The following FOXP1 variants were observed in gnomAD, a reference collection of about 807,000 sequenced individuals.
FOXP1 encodes the protein forkhead box protein P1.
In FOXP1, 15 loss-of-function variants were observed where a neutral mutation model predicts 98.2. That is an observed-to-expected ratio of 0.15 (90% CI 0.10 to 0.24). The LOEUF (loss-of-function observed/expected upper bound fraction) is 0.24, where lower values mean the gene tolerates loss of function less well. Among genes scored for constraint, FOXP1 ranks in the 10% least tolerant of loss-of-function variants. The pLI, the probability that FOXP1 is intolerant of heterozygous loss-of-function variation, is 1.00. For missense variants in FOXP1, 633 were observed against 848.5 expected (o/e 0.75, Z 3.15); for synonymous variants, 371 against 314.5 (o/e 1.18, Z -1.90).
chr3:71,271,739 G>C (rs1272190726), intron 5 of FOXP1, among the ~76,000 whole-genome samples: 2 of 152,242 alleles, frequency 1.3e-5, no homozygotes, highest in South Asian at 2.1e-4. Flanking sequence ...GAGAGACAGA[G>C]GCTGCTCACG....
In FOXP1 at chr3:71,340,154, C is replaced by G. The variant is rs1312785618; in HGVS notation, c.-73+18996G>C. On this transcript the variant is annotated intron_variant, in intron 4 of 20. Transcript: ENST00000649528. ...AACCCCCTGCCCCCCTATTTTCCCA[C>G]TGACATATGTCTAGAACAAATTTAC... is the stretch of plus-strand genomic sequence containing the variant. Among the ~76,000 whole-genome samples, 6 of 152,160 alleles carry G rather than the reference C, an allele frequency of 3.9e-5. No homozygotes were observed. In the East Asian group the frequency reaches 1.2e-3, roughly 29 times the overall value.
At chr3:71,416,036 A>G (rs1239429951) in intron 3 of FOXP1, among the ~76,000 whole-genome samples, 1 of 152,228 alleles carries the variant, frequency 6.6e-6, no homozygotes, top group Non-Finnish European at 1.5e-5. Context: ...AGAAATATTT[A>G]CAAATTACCT....
intron 6 of FOXP1, among the ~76,000 whole-genome samples, chr3:71,122,436 T>A (rs1315263390): frequency 6.6e-6 from 1 of 152,152 alleles, no homozygotes; most frequent in Non-Finnish European, 1.5e-5. Context: ...TGGGGGGGAA[T>A]CCTAATATTC....
chr3:70,981,191 C>CAAAAAAAAAAA (rs71104406), intron 14 of FOXP1, among the ~76,000 whole-genome samples: 1 of 59,972 alleles, frequency 1.7e-5, no homozygotes, highest in Non-Finnish European at 3.5e-5. Flanking sequence ...CTCTTTCTAC[C>CAAAAAAAAAAA]AAAAAAAAAA....
intron 4 of FOXP1, among the ~76,000 whole-genome samples, chr3:71,354,234 C>A (rs528049068): frequency 1.3e-5 from 2 of 151,206 alleles, no homozygotes; most frequent in African/African-American, 4.9e-5. Context: ...GCTGAGATTG[C>A]GCCACTGCGC....
At chr3:71,014,912 G>T (rs1340242326) in intron 12 of FOXP1, among the ~76,000 whole-genome samples, 1 of 150,876 alleles carries the variant, frequency 6.6e-6, no homozygotes, top group Non-Finnish European at 1.5e-5. Context: ...AACACCGCAT[G>T]TTCTCACACA....
chr3:71,555,718 C>T (rs771168480), intron 2 of FOXP1, among the ~76,000 whole-genome samples: 12 of 151,862 alleles, frequency 7.9e-5, no homozygotes, highest in East Asian at 1.9e-4. Flanking sequence ...TCAGTGAAAC[C>T]GAAAAAAGTG....
rs916554660 is a variant in FOXP1 at position 71,392,731 on chromosome 3, T to G, written c.-167-33487A>C. On this transcript the variant is annotated intron_variant, in intron 3 of 20. Transcript: ENST00000649528. ...ACATATAATTGCAATGCACTTGGCC[T>G]AGGTCGCAATCATTCTTTTTTTAAC... is the stretch of plus-strand genomic sequence containing the variant. Among the ~76,000 whole-genome samples the G allele has an allele frequency of 3.9e-5, 6 of 152,364 alleles. 1 individual carries two copies. Among genetic ancestry groups the G allele is most frequent in the Middle Eastern group, 6.8e-3 (2 of 294 alleles).
At chr3:71,261,985 C>T (rs150243083) in intron 5 of FOXP1, among the ~76,000 whole-genome samples, 24 of 151,844 alleles carry the variant, frequency 1.6e-4, no homozygotes, top group Middle Eastern at 3.4e-3. Context: ...TGTCAAATCC[C>T]GGCCGAGTGC....
chr3:71,178,288 C>A (rs1451369225), intron 6 of FOXP1, among the ~76,000 whole-genome samples: 1 of 152,120 alleles, frequency 6.6e-6, no homozygotes. Flanking sequence ...GCACGTACCA[C>A]CACACCTGGC....
At chr3:71,221,728 C>T (rs536211037) in intron 5 of FOXP1, among the ~76,000 whole-genome samples, 4 of 152,210 alleles carry the variant, frequency 2.6e-5, no homozygotes, top group Non-Finnish European at 5.9e-5. Flanking sequence ...ATCCTGCAAC[C>T]TCTTTCCTCC....
chr3:71,390,901 C>A (rs1287076857), intron 3 of FOXP1, among the ~76,000 whole-genome samples: 1 of 152,222 alleles, frequency 6.6e-6, no homozygotes, highest in East Asian at 1.9e-4. Context: ...CCTCCCCAGG[C>A]CTGGCCTGTT....
At chr3:71,399,215 T>C (rs1023959180) in intron 3 of FOXP1, among the ~76,000 whole-genome samples, 3 of 152,062 alleles carry the variant, frequency 2.0e-5, no homozygotes, top group African/African-American at 7.2e-5. Context: ...TATACAGGTA[T>C]GTACATAGGT....
At chr3:71,318,224 G>T (rs536846715) in intron 4 of FOXP1, among the ~76,000 whole-genome samples, 1 of 151,126 alleles carries the variant, frequency 6.6e-6, no homozygotes, top group African/African-American at 2.4e-5. Flanking sequence ...AGAGTTTCAG[G>T]GACAGAAGGA....
chr3:71,255,647 C>A (rs764087796), intron 5 of FOXP1, among the ~76,000 whole-genome samples: 1 of 152,130 alleles, frequency 6.6e-6, no homozygotes, highest in Non-Finnish European at 1.5e-5. Flanking sequence ...AAAAGAAATG[C>A]ATTCAACTAA....
chr3:71,198,397 T>C lies in FOXP1; in HGVS notation c.-11-5A>G, dbSNP rs1284509233. 11 of 673,910 alleles carry C rather than the reference T, an allele frequency of 1.6e-5. No homozygotes were observed. The highest frequency in any genetic ancestry group is 2.2e-5 in the Non-Finnish European group (9 of 417,102). The allele number at this position is 673,910 out of a possible 1,614,324, so 41.7% of individuals were successfully genotyped here. A position where few individuals can be genotyped will look rare whatever the true frequency, so the allele number is the denominator to read the frequency against. On this transcript the variant is annotated splice_polypyrimidine_tract_variant and splice_region_variant and intron_variant, in intron 5 of 20. Coordinates refer to ENST00000649528, the MANE Select transcript of FOXP1 (RefSeq NM_001349338.3). ...CTTGCATCATGACTCAAAAACCTGA[T>C]ACAAGGATTTCCAAGATGGGGGGAG...
chr3:71,155,676 T>C (rs1194044464), intron 6 of FOXP1, among the ~76,000 whole-genome samples: 1 of 152,210 alleles, frequency 6.6e-6, no homozygotes, highest in African/African-American at 2.4e-5. Flanking sequence ...AGGATTTAGA[T>C]ACAACCCAAG....
intron 5 of FOXP1, among the ~76,000 whole-genome samples, chr3:71,291,235 C>T (rs914466014): frequency 1.3e-5 from 2 of 152,168 alleles, no homozygotes; most frequent in African/African-American, 4.8e-5. Context: ...CAATGGCTGC[C>T]ACATAAGTAA....
intron 4 of FOXP1, among the ~76,000 whole-genome samples, chr3:71,308,853 G>A (rs1002610951): frequency 7.1e-6 from 1 of 141,322 alleles, no homozygotes; most frequent in Non-Finnish European, 1.5e-5. Flanking sequence ...AAAAGCATTC[G>A]GTGATAAAAT....
Sources: allele counts gnomAD v4.1 joint callset (sites outside exome capture counted in the v4.1 genomes callset), GRCh38; gene constraint gnomAD v4.1.1; transcripts MANE v1.5; gene names NCBI Gene and HGNC (gene_info 2026-07-23, HGNC 2026-07-21).